The following CUX1 variants were observed in gnomAD, a reference collection of about 807,000 sequenced individuals.
CUX1 encodes cut like homeobox 1, also known as protein CASP.
A neutral mutation model predicts 158.8 loss-of-function variants in CUX1; 31 were observed. The observed-to-expected ratio is 0.20, with a 90% CI of 0.15 to 0.26. CUX1 has a LOEUF of 0.26. CUX1 is among the 10% of genes least tolerant of loss of function. CUX1 has a pLI of 1.00. For missense variants in CUX1, 1,589 were observed against 2,014.6 expected (o/e 0.79, Z 4.04); for synonymous variants, 879 against 862.1 (o/e 1.02, Z -0.34).
In CUX1 at chr7:102,275,789, A is replaced by C. The variant is rs186631054; in HGVS notation, c.1563+430A>C. On this transcript the variant is annotated intron_variant, in intron 17 of 22. Transcript: ENST00000292538. ...TTTGGGAGGCTGAGGCAAGTGGATC[A>C]CTTGAGGTTGGGAGTTTGAGACCAG... 4.0e-4 allele frequency among the ~76,000 whole-genome samples: 61 copies of C among 152,240 alleles called. No individual in the cohort carries two copies. The East Asian group carries it at 0.011, about 29-fold the overall frequency.
At chr7:102,180,065 C>T (rs892344895) in intron 11 of CUX1, among the ~76,000 whole-genome samples, 2 of 152,118 alleles carry the variant, frequency 1.3e-5, no homozygotes, top group African/African-American at 2.4e-5. Flanking sequence ...CTTTTGTCGC[C>T]GAGACTGGAA....
At chr7:101,973,588 G>A (rs764970344) in intron 2 of CUX1, among the ~76,000 whole-genome samples, 4 of 151,996 alleles carry the variant, frequency 2.6e-5, no homozygotes, top group Non-Finnish European at 4.4e-5. Context: ...GAATGCACCC[G>A]TGTCCCCTGC....
At chr7:102,129,861 TTGGGGCACCG>T (rs2131292574) in intron 8 of CUX1, among the ~76,000 whole-genome samples, 2 of 152,140 alleles carry the variant, frequency 1.3e-5, no homozygotes, top group South Asian at 4.2e-4. Flanking sequence ...CTTGGAAAAT[TTGGGGCACCG>T]TGGGCTGGTG....
At chr7:102,121,293 G>A (rs961365461) in intron 8 of CUX1, among the ~76,000 whole-genome samples, 2 of 151,348 alleles carry the variant, frequency 1.3e-5, no homozygotes, top group Admixed American at 6.6e-5. Flanking sequence ...TCAGCTGCTG[G>A]AGGAGCTGGG....
chr7:101,915,101 A>G (rs1263229502), intron 1 of CUX1, among the ~76,000 whole-genome samples: 1 of 152,058 alleles, frequency 6.6e-6, no homozygotes. Context: ...TAGAGCAGCC[A>G]CCTTGGATCC....
In CUX1 at chr7:101,862,050, G is replaced by A. The variant is rs138257260; in HGVS notation, c.30+44381G>A. Among the ~76,000 whole-genome samples the A allele has an allele frequency of 1.7e-3, 263 of 152,256 alleles. 1 individual carries two copies. The highest frequency in any genetic ancestry group is 3.4e-3 in the Middle Eastern group (1 of 294). ...GGGTTTCACCATGTTGGCCAGGCTGGTCTCAAACTCCTGACCTCATATGAT... is the reference window on the plus strand; with the variant it reads ...GGGTTTCACCATGTTGGCCAGGCTGATCTCAAACTCCTGACCTCATATGAT... On this transcript the variant is annotated intron_variant, in intron 1 of 23. Coordinates refer to ENST00000292535, the MANE Select transcript of CUX1 (RefSeq NM_181552.4).
rs1801753791 is a variant in CUX1 at position 102,253,587 on chromosome 7, AC to A, written c.*4546del. 1.0e-6 allele frequency: 1 copy of A among 985,480 alleles called. No individual in the cohort carries two copies. Among genetic ancestry groups the A allele is most frequent in the Non-Finnish European group, 1.2e-6 (1 of 829,946 alleles). The allele number at this position is 985,480 out of a possible 1,614,324, so 61.0% of individuals were successfully genotyped here. ...CTCTGATTTTAGCAAAGCAAATCTT[AC>A]TGAAAAATAGCAGAGCCAGGGGAAC... On this transcript the variant is annotated 3_prime_UTR_variant, in exon 24 of 24. Coordinates refer to ENST00000292535, the MANE Select transcript of CUX1 (RefSeq NM_181552.4).
At chr7:102,039,942 G>T (rs534163186) in intron 3 of CUX1, among the ~76,000 whole-genome samples, 1 of 152,098 alleles carries the variant, frequency 6.6e-6, no homozygotes, top group Admixed American at 6.6e-5. Context: ...TTCCCTTTGT[G>T]CTGAATGTCT....
chr7:102,018,177 T>C (rs1818889561), intron 2 of CUX1, among the ~76,000 whole-genome samples: 1 of 152,086 alleles, frequency 6.6e-6, no homozygotes, highest in South Asian at 2.1e-4. Context: ...CCTAGACTGG[T>C]CTTGAACTCC....
At chr7:102,077,036 TAA>T (rs34277145) in intron 4 of CUX1, among the ~76,000 whole-genome samples, 6 of 127,784 alleles carry the variant, frequency 4.7e-5, no homozygotes, top group Admixed American at 2.3e-4. Flanking sequence ...CCTGTCAAAT[TAA>T]AAAAAAAAAA....
intron 14 of CUX1, among the ~76,000 whole-genome samples, chr7:102,271,789 G>A (rs1437838071): frequency 6.6e-6 from 1 of 152,224 alleles, no homozygotes; most frequent in African/African-American, 2.4e-5. Flanking sequence ...CAGCACATTG[G>A]GAGGTTGAGG....
chr7:102,208,270 GTC>G (rs1472570546), intron 20 of CUX1, among the ~76,000 whole-genome samples: 1 of 152,046 alleles, frequency 6.6e-6, no homozygotes, highest in Non-Finnish European at 1.5e-5. Flanking sequence ...GTGTGATGGA[GTC>G]TCACTCTGTC....
chr7:102,019,234 T>G (rs1003278159), intron 2 of CUX1, among the ~76,000 whole-genome samples: 5 of 151,952 alleles, frequency 3.3e-5, no homozygotes, highest in African/African-American at 1.2e-4. Flanking sequence ...TTTTTTTGTT[T>G]GTTTGTTTTT....
At chr7:102,042,576 A>G (rs1367337849) in intron 3 of CUX1, among the ~76,000 whole-genome samples, 4 of 152,100 alleles carry the variant, frequency 2.6e-5, no homozygotes, top group Non-Finnish European at 5.9e-5. Flanking sequence ...GATTTCCTGA[A>G]GGCTCTGTTA....
chr7:101,953,826 A>T (rs1460907516), intron 2 of CUX1, among the ~76,000 whole-genome samples: 2 of 152,210 alleles, frequency 1.3e-5, no homozygotes, highest in Non-Finnish European at 2.9e-5. Context: ...TCCACAAAAA[A>T]AAAAAAAGCA....
intron 2 of CUX1, among the ~76,000 whole-genome samples, chr7:101,958,370 T>TGCAGCA (rs10564479): frequency 2.6e-5 from 4 of 150,944 alleles, no homozygotes; most frequent in South Asian, 2.1e-4. Context: ...GGCCTGAAGC[T>TGCAGCA]GCAGCAGCAG....
At chr7:102,008,930 G>T (rs565876374) in intron 2 of CUX1, among the ~76,000 whole-genome samples, 6 of 152,292 alleles carry the variant, frequency 3.9e-5, no homozygotes, top group African/African-American at 1.4e-4. Flanking sequence ...ACTCATGGCA[G>T]TTCAGGCCTG....
intron 5 of CUX1, among the ~76,000 whole-genome samples, chr7:102,101,312 TTAGATTCCTC>T (rs1554486285): frequency 1.3e-5 from 2 of 152,140 alleles, no homozygotes; most frequent in African/African-American, 4.8e-5. Context: ...GCCAAGCCCT[TTAGATTCCTC>T]TCTGTTATGC....
intron 8 of CUX1, among the ~76,000 whole-genome samples, chr7:102,131,860 TG>T (rs1833279390): frequency 6.6e-6 from 1 of 151,776 alleles, no homozygotes; most frequent in African/African-American, 2.4e-5. Flanking sequence ...TTAGTAAAGA[TG>T]GGGTTTCACC....
Sources: allele counts gnomAD v4.1 joint callset (sites outside exome capture counted in the v4.1 genomes callset), GRCh38; gene constraint gnomAD v4.1.1; transcripts MANE v1.5; gene names NCBI Gene and HGNC (gene_info 2026-07-23, HGNC 2026-07-21).